Variants in MYO3B observed in about 807,000 individuals in gnomAD.
The protein encoded by MYO3B is myosin-IIIb.
Under a neutral mutation model 174.6 loss-of-function variants are expected in MYO3B, and 156 were observed. The ratio of observed to expected loss-of-function variants is 0.89; its 90% CI spans 0.78 to 1.02. MYO3B has a LOEUF of 1.02. Ranked by LOEUF, MYO3B falls within the 50% of genes least tolerant of loss-of-function variation. The probability of loss-of-function intolerance (pLI) is 0.00; values close to 1 mark genes in which losing one functional copy is unlikely to be tolerated. For synonymous variants in MYO3B, 563 were observed against 569.1 expected, an observed-to-expected ratio of 0.99 and a Z score of 0.15; for missense variants, 1,632 against 1,639.4, an observed-to-expected ratio of 1.00 and a Z score of 0.08.
At chr2:170,529,162 T>C (rs1280378855) in intron 30 of MYO3B, among the ~76,000 whole-genome samples, 1 of 152,018 alleles carries the variant, frequency 6.6e-6, no homozygotes, top group Non-Finnish European at 1.5e-5. Flanking sequence ...CTCTCACACA[T>C]GGACACGAAG....
At chr2:170,424,333 A>G (rs1040295959) in intron 22 of MYO3B, among the ~76,000 whole-genome samples, 1 of 152,054 alleles carries the variant, frequency 6.6e-6, no homozygotes, top group Non-Finnish European at 1.5e-5. Context: ...AAAAAGAAAA[A>G]CTAGGCCAGG....
At chr2:170,577,526 C>T (rs1692856130) in intron 32 of MYO3B, among the ~76,000 whole-genome samples, 1 of 152,150 alleles carries the variant, frequency 6.6e-6, no homozygotes, top group Non-Finnish European at 1.5e-5. Flanking sequence ...CTGTTTCTTC[C>T]ATCTCTGGAC....
intron 7 of MYO3B, among the ~76,000 whole-genome samples, chr2:170,255,345 T>G (rs1559338588): frequency 6.6e-6 from 1 of 152,060 alleles, no homozygotes; most frequent in Non-Finnish European, 1.5e-5. Flanking sequence ...TCCTCCCCCC[T>G]TCCCTCACCA....
chr2:170,588,613 CTTCTT>C (rs1330714186), intron 32 of MYO3B, among the ~76,000 whole-genome samples: 2 of 152,174 alleles, frequency 1.3e-5, no homozygotes, highest in Non-Finnish European at 2.9e-5. Context: ...CCCACACAGT[CTTCTT>C]TTATTGACGA....
chr2:170,235,128 G>C (rs779594105), intron 6 of MYO3B, among the ~76,000 whole-genome samples: 12 of 152,142 alleles, frequency 7.9e-5, no homozygotes, highest in Non-Finnish European at 1.0e-4. Context: ...CTGATGTTTT[G>C]GATCATCAGA....
chr2:170,618,699 C>T (rs1041563245), intron 32 of MYO3B, among the ~76,000 whole-genome samples: 2 of 151,986 alleles, frequency 1.3e-5, no homozygotes, highest in South Asian at 2.1e-4. Context: ...GATATACCAG[C>T]GTTTATTATT....
At position 170,585,928 on chromosome 2, in the gene MYO3B, C is replaced by T. The variant is rs751029211; in HGVS notation, c.3733+41940C>T. Among the ~76,000 whole-genome samples, 7 of 152,214 alleles carry T rather than the reference C, an allele frequency of 4.6e-5. No homozygotes were observed. The East Asian group carries it at 5.8e-4, about 13-fold the overall frequency. ...TAAAAGTTTGCCGGGCATGGTGGCG[C>T]GTGCCTGTAGTCCCAGCTACTTGGG... is the stretch of plus-strand genomic sequence containing the variant. On this transcript the variant is annotated intron_variant, in intron 32 of 34. Coordinates refer to ENST00000408978, the MANE Select transcript of MYO3B (RefSeq NM_138995.5).
chr2:170,330,673 T>C (rs1163455035), intron 7 of MYO3B, among the ~76,000 whole-genome samples: 1 of 152,214 alleles, frequency 6.6e-6, no homozygotes, highest in Non-Finnish European at 1.5e-5. Context: ...TCAGCTAATG[T>C]CTACAATGAG....
At chr2:170,193,131 T>C (rs1301363894) in intron 1 of MYO3B, among the ~76,000 whole-genome samples, 2 of 151,992 alleles carry the variant, frequency 1.3e-5, no homozygotes, top group Non-Finnish European at 2.9e-5. Flanking sequence ...TGTCTATTTC[T>C]TCTATAAGTT....
At chr2:170,233,095 C>T (rs2093031632) in intron 6 of MYO3B, among the ~76,000 whole-genome samples, 1 of 152,182 alleles carries the variant, frequency 6.6e-6, no homozygotes, top group Non-Finnish European at 1.5e-5. Flanking sequence ...TGGCTAGAAG[C>T]TGATTTGAAT....
rs1469988728 is a variant in MYO3B, at chr2:170,401,706, G to A, written c.2129+15G>A. 1.9e-6 allele frequency: 3 copies of A among 1,610,652 alleles called. No individual in the cohort carries two copies. The highest frequency in any genetic ancestry group is 1.7e-5 in the Admixed American group (1 of 59,982). ...GAAAACATATGGCAAGTTCCTCGGA[G>A]AGCAGAGGGTCTCAGGAGAGCTGTC... is the stretch of plus-strand genomic sequence containing the variant. On this transcript the variant is annotated intron_variant, in intron 18 of 34. Coordinates refer to ENST00000408978, the MANE Select transcript of MYO3B (RefSeq NM_138995.5).
intron 32 of MYO3B, among the ~76,000 whole-genome samples, chr2:170,572,041 G>A (rs902751169): frequency 6.6e-6 from 1 of 152,180 alleles, no homozygotes; most frequent in African/African-American, 2.4e-5. Context: ...ACCAGGAGCA[G>A]TGGCTCACCT....
intron 32 of MYO3B, among the ~76,000 whole-genome samples, chr2:170,593,374 G>T (rs1003647293): frequency 6.6e-6 from 1 of 152,120 alleles, no homozygotes. Flanking sequence ...AAGTGCTGGG[G>T]TTGCAGGCAT....
intron 7 of MYO3B, among the ~76,000 whole-genome samples, chr2:170,258,180 A>G (rs1020563993): frequency 6.6e-6 from 1 of 152,120 alleles, no homozygotes; most frequent in Non-Finnish European, 1.5e-5. Context: ...GAAATTATCC[A>G]CAAAAGTCAA....
At chr2:170,299,676 G>C (rs1450302875) in intron 7 of MYO3B, among the ~76,000 whole-genome samples, 4 of 152,186 alleles carry the variant, frequency 2.6e-5, no homozygotes, top group Non-Finnish European at 4.4e-5. Flanking sequence ...GCAAATGGCA[G>C]GGCCAGAATT....
intron 22 of MYO3B, among the ~76,000 whole-genome samples, chr2:170,410,165 T>C (rs1341674383): frequency 6.6e-6 from 1 of 152,206 alleles, no homozygotes; most frequent in Non-Finnish European, 1.5e-5. Flanking sequence ...CTTGCTTTAA[T>C]TGTTTTATCG....
At chr2:170,500,838 G>A (rs1417245071) in intron 27 of MYO3B, among the ~76,000 whole-genome samples, 1 of 152,246 alleles carries the variant, frequency 6.6e-6, no homozygotes, top group Non-Finnish European at 1.5e-5. Context: ...ACCAAGGGAA[G>A]AGGTTGCTAA....
intron 7 of MYO3B, among the ~76,000 whole-genome samples, chr2:170,313,143 C>T (rs1281057992): frequency 6.6e-6 from 1 of 152,154 alleles, no homozygotes; most frequent in African/African-American, 2.4e-5. Context: ...TAAAATATTG[C>T]ACTGTTTGGC....
chr2:170,615,191 C>T (rs971242694), intron 32 of MYO3B, among the ~76,000 whole-genome samples: 1 of 152,168 alleles, frequency 6.6e-6, no homozygotes, highest in Non-Finnish European at 1.5e-5. Context: ...TAGCTCTAGA[C>T]GTATCTTCCT....
Sources: allele counts gnomAD v4.1 joint callset (sites outside exome capture counted in the v4.1 genomes callset), GRCh38; gene constraint gnomAD v4.1.1; transcripts MANE v1.5; gene names NCBI Gene and HGNC (gene_info 2026-07-23, HGNC 2026-07-21).